The following CLSPN variants were observed in gnomAD, a reference collection of about 807,000 sequenced individuals.
CLSPN encodes claspin homolog.
A neutral mutation model predicts 156.3 loss-of-function variants in CLSPN; 85 were observed. That is an observed-to-expected ratio of 0.54 (90% confidence interval 0.46 to 0.65). The LOEUF is 0.65. Ranked by LOEUF, CLSPN falls within the 30% of genes least tolerant of loss-of-function variation. The pLI is 0.00. For synonymous variants in CLSPN, 534 were observed against 542.4 expected, an observed-to-expected ratio of 0.98 and a Z score of 0.22; for missense variants, 1,407 against 1,554.9, an observed-to-expected ratio of 0.90 and a Z score of 1.60.
At chr1:35,752,804 T>C (rs1252915888) in intron 9 of CLSPN, among the ~76,000 whole-genome samples, 2 of 152,164 alleles carry the variant, frequency 1.3e-5, no homozygotes, top group African/African-American at 4.8e-5. Flanking sequence ...ATAAAACATA[T>C]AAAGCACCTA....
At position 35,738,103 on chromosome 1, in the gene CLSPN, A is replaced by G. The variant is rs1320921205; in HGVS notation, c.3559-6T>C. 1.7e-6 allele frequency: 1 copy of G among 577,668 alleles called. No individual in the cohort carries two copies. Among genetic ancestry groups the G allele is most frequent in the Admixed American group, 8.0e-5 (1 of 12,568 alleles). 35.8% of individuals were successfully genotyped at this position (577,668 alleles called of 1,614,324 possible). ...GTAATTTTCCCCTGCTGTGCCTGAA[A>G]AAAAAAAAAAATATATATATATATA... On this transcript the variant is annotated splice_polypyrimidine_tract_variant and splice_region_variant and intron_variant, in intron 21 of 24. Coordinates refer to ENST00000318121, the MANE Select transcript of CLSPN (RefSeq NM_022111.4).
In CLSPN at chr1:35,753,948, C is replaced by T. The variant is rs775615851; in HGVS notation, c.1580-12G>A. The T allele has an allele frequency of 2.4e-5, 38 of 1,612,486 alleles. No individual in the cohort carries two copies. The South Asian group carries it at 2.5e-4, about 11-fold the overall frequency. On this transcript the variant is annotated splice_polypyrimidine_tract_variant and intron_variant, in intron 8 of 24. Coordinates refer to ENST00000318121, the MANE Select transcript of CLSPN (RefSeq NM_022111.4). ...CAAGGCTTCCAGTTCTAAACCCAAA[C>T]GCCAACCAGTGTGTCAGTTTGCCAT...
intron 22 of CLSPN, 36 bp from the exon 23 acceptor site, chr1:35,737,457 A>C: frequency 6.6e-7 from 1 of 1,511,506 alleles, no homozygotes; most frequent in Non-Finnish European, 9.2e-7. Context: ...ATTCTGGGAA[A>C]AGCTGATTAG....
intron 17 of CLSPN, 80 bp downstream of exon 17, chr1:35,743,375 A>C: frequency 7.0e-7 from 1 of 1,420,506 alleles, no homozygotes; most frequent in Non-Finnish European, 9.9e-7. Context: ...TAGAATTCTC[A>C]AGAACTGAGG....
In CLSPN at chr1:35,769,866, G is replaced by T. The variant is rs1172814650; in HGVS notation, c.5C>A (p.Thr2Lys). The T allele has an allele frequency of 6.2e-7, 1 of 1,609,168 alleles. No individual in the cohort carries two copies. Among genetic ancestry groups the T allele is most frequent in the Admixed American group, 1.7e-5 (1 of 59,548 alleles). Reference protein sequence around the residue: MTGEVGSEVHLE... With the variant: MKGEVGSEVHLE... ...ACTCACCTCAGAACCCACCTCGCCT[G>T]TCATGACTTCTGCCTCCCCTGCGCT... The change falls in exon 1 of 25, where the codon ACA becomes AAA. Residue 2 changes from threonine (T) to lysine (K), a missense_variant. By Grantham distance (78) the Thr-to-Lys change is moderately conservative (BLOSUM62 -1). Coordinates refer to ENST00000318121, the MANE Select transcript of CLSPN (RefSeq NM_022111.4).
intron 18 of CLSPN, among the ~76,000 whole-genome samples, chr1:35,740,996 T>C (rs1641670848): frequency 6.6e-6 from 1 of 152,158 alleles, no homozygotes; most frequent in Admixed American, 6.6e-5. Flanking sequence ...TAGAATGAAA[T>C]GATGGGATAA....
intron 6 of CLSPN, among the ~76,000 whole-genome samples, chr1:35,761,437 C>G (rs1642473800): frequency 6.6e-6 from 1 of 152,104 alleles, no homozygotes; most frequent in African/African-American, 2.4e-5. Flanking sequence ...ATTCTTGGAT[C>G]CCATTTCGAA....
chr1:35,735,143 G>A lies in CLSPN; in HGVS notation c.*1353C>T, dbSNP rs1641421889. On this transcript the variant is annotated 3_prime_UTR_variant, in exon 25 of 25. Transcript: ENST00000318121. ...AGAAGGGAGATCTTTGAACAACAGT[G>A]CTTCAAATTGAGAATTCAGTCCCAG... The A allele has an allele frequency of 2.2e-5, 22 of 985,396 alleles. No individual in the cohort carries two copies. Among genetic ancestry groups the A allele is most frequent in the Non-Finnish European group, 2.7e-5 (22 of 829,920 alleles). 61.0% of individuals were successfully genotyped at this position (985,396 alleles called of 1,614,324 possible). A position where few individuals can be genotyped will look rare whatever the true frequency, so the allele number is the denominator to read the frequency against.
intron 16 of CLSPN, among the ~76,000 whole-genome samples, chr1:35,744,769 G>A (rs1641817659): frequency 1.3e-5 from 2 of 152,076 alleles, no homozygotes; most frequent in South Asian, 4.1e-4. Context: ...CTTTTTTGGG[G>A]TACAGACTAA....
rs1480064599 is a variant in CLSPN at position 35,769,855 on chromosome 1, C to T, written c.16G>A (p.Gly6Ser). MTGEV[G>S]SEVHLEINDP... Reference sequence around the variant, plus strand: ...CGTGTGCATAAACTCACCTCAGAACCCACCTCGCCTGTCATGACTTCTGCC... The same window carrying T: ...CGTGTGCATAAACTCACCTCAGAACTCACCTCGCCTGTCATGACTTCTGCC... The change falls in exon 1 of 25, where the codon GGT becomes AGT. Residue 6 changes from glycine to serine, a missense_variant. Physicochemically the swap from Gly to Ser is moderately conservative, Grantham distance 56 (BLOSUM62 0). This residue lies in a region of CLSPN where 1,096 missense variants were observed against 1,193.0 expected (regional missense o/e 0.92). Transcript: ENST00000318121. The T allele has an allele frequency of 1.9e-6, 3 of 1,607,854 alleles. No homozygotes were observed. The highest frequency in any genetic ancestry group is 1.7e-5 in the Admixed American group (1 of 59,472).
intron 4 of CLSPN, 51 bp from the exon 5 acceptor site, chr1:35,762,532 G>T (rs779490582): frequency 7.0e-7 from 1 of 1,436,730 alleles, no homozygotes; most frequent in Non-Finnish European, 9.8e-7. Context: ...CAAATAAGAG[G>T]ATGCTTTAGC....
chr1:35,731,457 A>G (rs1325878444), downstream of CLSPN, among the ~76,000 whole-genome samples: 1 of 152,172 alleles, frequency 6.6e-6, no homozygotes, highest in Non-Finnish European at 1.5e-5. Flanking sequence ...AGAAGTTTGA[A>G]CTTTGAGTGC....
chr1:35,762,519 A>C (rs1557522914), intron 4 of CLSPN, 38 bp from the exon 5 acceptor site: 2 of 1,529,490 alleles, frequency 1.3e-6, no homozygotes, highest in Non-Finnish European at 1.8e-6. Context: ...CAAAAACGAA[A>C]TTCAAATAAG....
intron 3 of CLSPN, among the ~76,000 whole-genome samples, chr1:35,763,777 G>A (rs368722960): frequency 2.0e-5 from 3 of 149,118 alleles, no homozygotes; most frequent in African/African-American, 7.4e-5. Context: ...AGACCAATAA[G>A]TTTTGTTTTT....
chr1:35,769,797 T>C, intron 1 of CLSPN, 50 bp downstream of exon 1: 3 of 1,557,884 alleles, frequency 1.9e-6, no homozygotes, highest in Non-Finnish European at 2.6e-6. Context: ...ACCTAACCTC[T>C]CGGTGCCCGG....
At chr1:35,768,643 T>C (rs1400568978) in intron 1 of CLSPN, among the ~76,000 whole-genome samples, 2 of 152,110 alleles carry the variant, frequency 1.3e-5, no homozygotes, top group Non-Finnish European at 2.9e-5. Flanking sequence ...TTCGAACTCT[T>C]GAGCTCAAGC....
In CLSPN at chr1:35,743,504, A is replaced by G. The variant is rs1196781948; in HGVS notation, c.2993T>C (p.Phe998Ser). ...DKEEEDEEEE[F>S]GDFRLVSNDN... Reference sequence around the variant, plus strand: ...ATTTGAAACAAGCCGAAAGTCTCCAAATTCCTCCTCCTCGTCTTCCTCTTC... The same window carrying G: ...ATTTGAAACAAGCCGAAAGTCTCCAGATTCCTCCTCCTCGTCTTCCTCTTC... Residue 998 changes from phenylalanine (F) to serine (S), a missense_variant, in exon 17 of 25, where the codon TTT becomes TCT. Physicochemically the swap from Phe to Ser is radical, Grantham distance 155 (BLOSUM62 -2). Coordinates refer to ENST00000318121, the MANE Select transcript of CLSPN (RefSeq NM_022111.4). 6.2e-7 allele frequency: 1 copy of G among 1,613,816 alleles called. No homozygotes were observed. The highest frequency in any genetic ancestry group is 1.7e-5 in the Admixed American group (1 of 60,016).
At chr1:35,766,699 C>A (rs1642688110) in intron 1 of CLSPN, among the ~76,000 whole-genome samples, 1 of 152,158 alleles carries the variant, frequency 6.6e-6, no homozygotes, top group African/African-American at 2.4e-5. Flanking sequence ...CCGCCTCAGC[C>A]TCCCAAAGTG....
intron 14 of CLSPN, among the ~76,000 whole-genome samples, chr1:35,747,338 A>G (rs1242797476): frequency 6.6e-6 from 1 of 152,122 alleles, no homozygotes; most frequent in Admixed American, 6.6e-5. Context: ...AAAAATAAAA[A>G]AAAATTCCTC....
Sources: allele counts gnomAD v4.1 joint callset (sites outside exome capture counted in the v4.1 genomes callset), GRCh38; gene constraint gnomAD v4.1.1; regional missense constraint gnomAD v4.1.1; transcripts MANE v1.5; gene names NCBI Gene and HGNC (gene_info 2026-07-23, HGNC 2026-07-21).